GPATCH2: variants seen among roughly 807,000 people sequenced by gnomAD.
GPATCH2 encodes the protein G-patch domain containing 2.
A neutral mutation model predicts 58.0 loss-of-function variants in GPATCH2; 51 were observed. The observed-to-expected ratio is 0.88, with a 90% CI of 0.70 to 1.11. GPATCH2 has a LOEUF of 1.11. GPATCH2 is among the 50% of genes most tolerant of loss of function. The probability of loss-of-function intolerance (pLI) is 0.00; values close to 1 mark genes in which losing one functional copy is unlikely to be tolerated. For synonymous variants in GPATCH2, 222 were observed against 218.5 expected, an observed-to-expected ratio of 1.02 and a Z score of -0.14; for missense variants, 625 against 652.2, an observed-to-expected ratio of 0.96 and a Z score of 0.45.
chr1:217,620,785 A>G (rs768260174), intron 1 of GPATCH2, among the ~76,000 whole-genome samples: 1 of 152,204 alleles, frequency 6.6e-6, no homozygotes, highest in Non-Finnish European at 1.5e-5. Flanking sequence ...AATTATGGAA[A>G]AGTTCTGTTT....
chr1:217,625,454 A>C (rs1669404926), intron 1 of GPATCH2, among the ~76,000 whole-genome samples: 1 of 152,222 alleles, frequency 6.6e-6, no homozygotes, highest in Non-Finnish European at 1.5e-5. Context: ...TGGGAATAGC[A>C]AGAGTGAAGA....
At chr1:217,582,932 C>A (rs1406518031) in intron 5 of GPATCH2, among the ~76,000 whole-genome samples, 3 of 152,194 alleles carry the variant, frequency 2.0e-5, no homozygotes, top group Non-Finnish European at 4.4e-5. Flanking sequence ...ACACCATTCA[C>A]TGTAAGAATC....
At chr1:217,528,837 A>T (rs921649289) in intron 5 of GPATCH2, among the ~76,000 whole-genome samples, 2 of 152,224 alleles carry the variant, frequency 1.3e-5, no homozygotes, top group Non-Finnish European at 2.9e-5. Flanking sequence ...TGAGGGGACC[A>T]GGGTGAGGAC....
intron 5 of GPATCH2, among the ~76,000 whole-genome samples, chr1:217,544,092 C>A (rs1441328409): frequency 1.3e-5 from 2 of 152,110 alleles, no homozygotes; most frequent in Non-Finnish European, 2.9e-5. Flanking sequence ...AACATCTGAA[C>A]TGAGATATGA....
At chr1:217,525,985 CAAT>C (rs1296405774) in intron 5 of GPATCH2, among the ~76,000 whole-genome samples, 4 of 152,242 alleles carry the variant, frequency 2.6e-5, no homozygotes, top group African/African-American at 4.8e-5. Context: ...CATTATTCAA[CAAT>C]GTGTCATATC....
intron 5 of GPATCH2, chr1:217,608,411 T>C: frequency 4.1e-6 from 4 of 984,712 alleles, no homozygotes; most frequent in Non-Finnish European, 4.8e-6. Flanking sequence ...AAGTGAAACT[T>C]CATCACCTTT....
At chr1:217,460,415 G>A (rs1005463974) in intron 8 of GPATCH2, among the ~76,000 whole-genome samples, 3 of 152,156 alleles carry the variant, frequency 2.0e-5, no homozygotes, top group Non-Finnish European at 2.9e-5. Flanking sequence ...AAAAAGATAC[G>A]ATGTTCATTT....
intron 5 of GPATCH2, among the ~76,000 whole-genome samples, chr1:217,588,082 AT>A (rs1667426290): frequency 6.6e-6 from 1 of 152,136 alleles, no homozygotes; most frequent in Non-Finnish European, 1.5e-5. Context: ...AATATATATT[AT>A]ATATGGACAT....
At chr1:217,498,681 A>G in intron 6 of GPATCH2, 1 of 518,210 alleles carries the variant, frequency 1.9e-6, no homozygotes. Context: ...CATTTTATGA[A>G]TCAATTCTGG....
chr1:217,602,508 A>G lies in GPATCH2; in HGVS notation c.1098+7813T>C, dbSNP rs555991338. 2.4e-4 allele frequency among the ~76,000 whole-genome samples: 37 copies of G among 152,328 alleles called. 1 individual carries two copies. Among genetic ancestry groups the G allele is most frequent in the Admixed American group, 2.4e-3 (36 of 15,296 alleles). On this transcript the variant is annotated intron_variant, in intron 5 of 9. Coordinates refer to ENST00000366935, the MANE Select transcript of GPATCH2 (RefSeq NM_018040.5). ...GAGGGGAAAGGAATATAAGAAATACAGAGGATATAATCACAGCTGAACTAA... is the reference window on the plus strand; with the variant it reads ...GAGGGGAAAGGAATATAAGAAATACGGAGGATATAATCACAGCTGAACTAA...
At chr1:217,552,187 T>C (rs1252328422) in intron 5 of GPATCH2, among the ~76,000 whole-genome samples, 1 of 152,064 alleles carries the variant, frequency 6.6e-6, no homozygotes, top group African/African-American at 2.4e-5. Flanking sequence ...GAATAAAACC[T>C]CTCTGATGTA....
At chr1:217,547,377 C>T (rs61449426) in intron 5 of GPATCH2, among the ~76,000 whole-genome samples, 2,119 of 151,496 alleles carry the variant, frequency 0.014, 53 homozygotes, top group East Asian at 0.11. Flanking sequence ...AAATAACAGA[C>T]GCCGGCAAGG....
intron 9 of GPATCH2, among the ~76,000 whole-genome samples, chr1:217,442,368 C>A: frequency 6.6e-6 from 1 of 152,062 alleles, no homozygotes; most frequent in East Asian, 1.9e-4. Context: ...GAAGGGATAG[C>A]ATTAGGAGAA....
At chr1:217,517,280 A>G (rs553576964) in intron 5 of GPATCH2, among the ~76,000 whole-genome samples, 1 of 152,230 alleles carries the variant, frequency 6.6e-6, no homozygotes, top group Admixed American at 6.5e-5. Context: ...ACTTTTAAAG[A>G]TATGCAAAAT....
At chr1:217,503,642 A>G (rs1662409668) in intron 6 of GPATCH2, among the ~76,000 whole-genome samples, 1 of 152,130 alleles carries the variant, frequency 6.6e-6, no homozygotes, top group Non-Finnish European at 1.5e-5. Flanking sequence ...ACATAAGATA[A>G]AAAAGCTGAA....
intron 6 of GPATCH2, among the ~76,000 whole-genome samples, chr1:217,513,306 A>C (rs978693073): frequency 6.6e-6 from 1 of 152,104 alleles, no homozygotes; most frequent in Non-Finnish European, 1.5e-5. Flanking sequence ...AAAAAAAAAA[A>C]ATTAGCCTAC....
intron 7 of GPATCH2, among the ~76,000 whole-genome samples, chr1:217,493,836 A>C (rs2102537698): frequency 6.6e-6 from 1 of 152,170 alleles, no homozygotes; most frequent in East Asian, 1.9e-4. Context: ...ATTAATAATA[A>C]TAGTTAATAG....
intron 1 of GPATCH2, among the ~76,000 whole-genome samples, chr1:217,628,901 A>G (rs990311645): frequency 1.3e-5 from 2 of 152,108 alleles, no homozygotes; most frequent in Non-Finnish European, 2.9e-5. Context: ...TCAGACACAT[A>G]GGCAACATAT....
intron 5 of GPATCH2, among the ~76,000 whole-genome samples, chr1:217,539,667 A>T (rs983602718): frequency 4.6e-5 from 7 of 152,232 alleles, no homozygotes; most frequent in African/African-American, 1.7e-4. Context: ...TTTGATCTTT[A>T]TAGAATTTCT....
Sources: gnomAD v4.1 joint callset for allele counts (sites outside exome capture counted in the v4.1 genomes callset) on GRCh38, gnomAD v4.1.1 for gene constraint, MANE v1.5 for transcripts, NCBI Gene and HGNC (gene_info 2026-07-23, HGNC 2026-07-21) for gene names.